SLC10A1: variants seen among roughly 807,000 people sequenced by gnomAD.
SLC10A1 encodes the protein solute carrier family 10 member 1.
Under a neutral mutation model 20.5 loss-of-function variants are expected in SLC10A1, and 36 were observed. That is an observed-to-expected ratio of 1.75 (90% CI 1.34 to 2.32). The LOEUF is 2.32. Ranked by LOEUF, SLC10A1 falls within the 30% of genes most tolerant of loss-of-function variation. The pLI is 0.00. For synonymous variants in SLC10A1, 188 were observed against 163.6 expected, an observed-to-expected ratio of 1.15 and a Z score of -1.14; for missense variants, 545 against 439.1, an observed-to-expected ratio of 1.24 and a Z score of -2.16.
rs768367416 is a variant in SLC10A1 at position 69,776,379 on chromosome 14, TTTG to T, written c.950_952del (p.Thr317del). The T allele has an allele frequency of 1.9e-6, 3 of 1,608,924 alleles. 1 individual carries two copies. The South Asian group carries it at 3.3e-5, about 18-fold the overall frequency. ...AGTTGTGGCAGCTGTGTAGATCATT[TTTG>T]TTTTATCTGTAAAGTTAAAAAGGGT... On this transcript the variant is annotated inframe_deletion, in exon 5 of 5. Transcript: ENST00000216540.
chr14:69,786,409 T>TGTGG lies in SLC10A1; in HGVS notation c.357-106_357-103dup, dbSNP rs1594762997. The TGTGG allele has an allele frequency of 3.9e-5, 34 of 870,200 alleles. No individual in the cohort carries two copies. In the East Asian group the frequency reaches 8.4e-4, roughly 22 times the overall value. The allele number at this position is 870,200 out of a possible 1,614,324, so 53.9% of individuals were successfully genotyped here. The stretch of plus-strand genomic sequence containing the variant: ...GCCACTGTGCTAAGTGCTTGACATA[T>TGTGG]GTGGCTTCAGTTCCTTTTCCCCATA... On this transcript the variant is annotated intron_variant, in intron 1 of 4. Transcript: ENST00000216540.
intron 1 of SLC10A1, among the ~76,000 whole-genome samples, chr14:69,790,994 A>G (rs955509868): frequency 1.3e-5 from 2 of 152,096 alleles, no homozygotes; most frequent in Admixed American, 1.3e-4. Flanking sequence ...AAATATATAT[A>G]TATTTTAAAA....
chr14:69,782,200 G>C (rs958379804), intron 2 of SLC10A1, among the ~76,000 whole-genome samples: 1 of 152,220 alleles, frequency 6.6e-6, no homozygotes, highest in African/African-American at 2.4e-5. Context: ...GTTTAACCCT[G>C]GAGGTTTAGC....
rs45593332 is a variant in SLC10A1, at chr14:69,776,135, C to T, written c.*147G>A. 0.025 allele frequency: 15,792 copies of T among 633,356 alleles called. 299 individuals carry two copies. Among genetic ancestry groups the T allele is most frequent in the Non-Finnish European group, 0.029 (10,408 of 359,282 alleles). The allele number at this position is 633,356 out of a possible 1,614,324, so 39.2% of individuals were successfully genotyped here. A position where few individuals can be genotyped will look rare whatever the true frequency, so the allele number is the denominator to read the frequency against. On this transcript the variant is annotated 3_prime_UTR_variant, in exon 5 of 5. Transcript: ENST00000216540. ...TGGGTAGACACCCTGTCTGTGTTCC[C>T]GGCCAAGACTTGATGATTCTGATAG... is the stretch of plus-strand genomic sequence containing the variant.
chr14:69,789,655 G>A (rs1224048130), intron 1 of SLC10A1, among the ~76,000 whole-genome samples: 5 of 152,072 alleles, frequency 3.3e-5, no homozygotes, highest in African/African-American at 1.2e-4. Context: ...AAAAACCAAG[G>A]CATCGTACAA....
At chr14:69,779,853 T>C (rs1013352671) in intron 2 of SLC10A1, among the ~76,000 whole-genome samples, 1 of 152,050 alleles carries the variant, frequency 6.6e-6, no homozygotes, top group Non-Finnish European at 1.5e-5. Context: ...AGTCAAGTAT[T>C]TTTGGAACTT....
rs201638503 is a variant in SLC10A1, at chr14:69,775,946, A to G, written c.*336T>C. 3.7e-5 allele frequency: 9 copies of G among 240,152 alleles called. No individual in the cohort carries two copies. Among genetic ancestry groups the G allele is most frequent in the Non-Finnish European group, 5.7e-5 (7 of 123,372 alleles). 14.9% of individuals were successfully genotyped at this position (240,152 alleles called of 1,614,324 possible). On this transcript the variant is annotated 3_prime_UTR_variant, in exon 5 of 5. Transcript: ENST00000216540. ...TATTTGAGTAATGGGTTAAACATAT[A>G]TATTGATTAGTTCAGGAATTGAGTG...
intron 2 of SLC10A1, among the ~76,000 whole-genome samples, chr14:69,780,047 C>T (rs564030100): frequency 1.1e-4 from 16 of 148,230 alleles, no homozygotes; most frequent in African/African-American, 3.9e-4. Context: ...TGATCAAGCC[C>T]GGAAATACGG....
intron 1 of SLC10A1, among the ~76,000 whole-genome samples, chr14:69,795,400 CTT>C (rs140035207): frequency 1.8e-4 from 23 of 128,802 alleles, no homozygotes; most frequent in Non-Finnish European, 2.1e-4. Flanking sequence ...TTTTTATTTC[CTT>C]TTTTTTTTTT....
At chr14:69,794,650 G>A (rs1594765608) in intron 1 of SLC10A1, among the ~76,000 whole-genome samples, 1 of 152,232 alleles carries the variant, frequency 6.6e-6, no homozygotes, top group South Asian at 2.1e-4. Flanking sequence ...AGCACATGAA[G>A]GTAGATGACC....
chr14:69,781,969 G>T (rs148262617), intron 2 of SLC10A1, among the ~76,000 whole-genome samples: 4 of 152,234 alleles, frequency 2.6e-5, no homozygotes, highest in Non-Finnish European at 5.9e-5. Context: ...TTATGTGTGC[G>T]TAAGAGGCTA....
chr14:69,792,174 A>G (rs1187963539), intron 1 of SLC10A1, among the ~76,000 whole-genome samples: 4 of 152,006 alleles, frequency 2.6e-5, no homozygotes, highest in East Asian at 3.9e-4. Context: ...AGGCTTGTAG[A>G]TAGTAAAAGA....
chr14:69,785,154 G>T (rs1883683140), intron 2 of SLC10A1, among the ~76,000 whole-genome samples: 3 of 152,238 alleles, frequency 2.0e-5, no homozygotes, highest in Admixed American at 2.0e-4. Context: ...TGAATAGTGA[G>T]CCAAGGGGGA....
intron 4 of SLC10A1, 109 bp downstream of exon 4, chr14:69,778,224 A>G (rs1883494521): frequency 8.1e-6 from 7 of 859,346 alleles, no homozygotes; most frequent in Non-Finnish European, 1.1e-5. Flanking sequence ...TAGTGACTTG[A>G]TAAGAGTTAA....
chr14:69,789,856 AAAGG>A lies in SLC10A1; in HGVS notation c.357-3553_357-3550del, dbSNP rs540893423. Among the ~76,000 whole-genome samples, 458 of 152,208 alleles carry A rather than the reference AAAGG, an allele frequency of 3.0e-3. 3 individuals are homozygous for A. Among genetic ancestry groups the A allele is most frequent in the African/African-American group, 0.01 (421 of 41,544 alleles). On this transcript the variant is annotated intron_variant, in intron 1 of 4. Coordinates refer to ENST00000216540, the MANE Select transcript of SLC10A1 (RefSeq NM_003049.4). ...GAATGAGAAAAACCCAATAAAAAGAAAAGGAAGAAATTTTTTAAGTTTTGTAAAT... is the reference window on the plus strand; with the variant it reads ...GAATGAGAAAAACCCAATAAAAAGAAAAGAAATTTTTTAAGTTTTGTAAAT...
At chr14:69,777,961 G>A (rs1236976339) in intron 4 of SLC10A1, among the ~76,000 whole-genome samples, 1 of 151,936 alleles carries the variant, frequency 6.6e-6, no homozygotes, top group Non-Finnish European at 1.5e-5. Flanking sequence ...ACCTAGTCCT[G>A]AGAAATGGAA....
chr14:69,779,800 C>A lies in SLC10A1; in HGVS notation c.568-440G>T, dbSNP rs780732908. 7.9e-5 allele frequency among the ~76,000 whole-genome samples: 12 copies of A among 151,944 alleles called. 1 individual carries two copies. The highest frequency in any genetic ancestry group is 1.8e-4 in the Non-Finnish European group (12 of 68,022). ...ATAGCAGACTTTCAGTGAAGTGTTA[C>A]GTGAGGCTATTCAGGACTCCTGCAA... On this transcript the variant is annotated intron_variant, in intron 2 of 4. Coordinates refer to ENST00000216540, the MANE Select transcript of SLC10A1 (RefSeq NM_003049.4).
chr14:69,793,048 A>G (rs1469523541), intron 1 of SLC10A1, among the ~76,000 whole-genome samples: 1 of 152,174 alleles, frequency 6.6e-6, no homozygotes, highest in African/African-American at 2.4e-5. Context: ...ATAGGAATAC[A>G]GGGGGTTTCA....
chr14:69,785,778 T>G (rs937654229), intron 2 of SLC10A1, among the ~76,000 whole-genome samples: 3 of 151,176 alleles, frequency 2.0e-5, no homozygotes, highest in African/African-American at 7.3e-5. Context: ...TTTTTTTTTT[T>G]TTGTATTTTT....
Sources: gnomAD v4.1 joint callset for allele counts (sites outside exome capture counted in the v4.1 genomes callset) on GRCh38, gnomAD v4.1.1 for gene constraint, MANE v1.5 for transcripts, NCBI Gene and HGNC (gene_info 2026-07-23, HGNC 2026-07-21) for gene names.